MBD2: variants seen among roughly 807,000 people sequenced by gnomAD.
The protein encoded by MBD2 is methyl-CpG-binding domain protein 2.
In MBD2, 9 loss-of-function variants were observed where a neutral mutation model predicts 39.3. That is an observed-to-expected ratio of 0.23 (90% CI 0.14 to 0.40). MBD2 has a LOEUF of 0.40. Among genes scored for constraint, MBD2 ranks in the 10% least tolerant of loss-of-function variants. The pLI, the probability that MBD2 is intolerant of heterozygous loss-of-function variation, is 1.00. For synonymous variants in MBD2, 233 were observed against 211.1 expected, an observed-to-expected ratio of 1.10 and a Z score of -0.90; for missense variants, 458 against 532.6, an observed-to-expected ratio of 0.86 and a Z score of 1.38.
chr18:54,189,329 G>A (rs1212718835), intron 2 of MBD2, among the ~76,000 whole-genome samples: 14 of 149,394 alleles, frequency 9.4e-5, no homozygotes, highest in Admixed American at 8.1e-4. Flanking sequence ...GTCTGCTTAC[G>A]CCATCCGCCT....
chr18:54,187,565 G>T, intron 3 of MBD2: 1 of 424,894 alleles, frequency 2.4e-6, no homozygotes, highest in Non-Finnish European at 3.2e-6. Flanking sequence ...ACCTCCTGTG[G>T]TTTCGTGACT....
chr18:54,201,891 A>G (rs1035235777), intron 2 of MBD2, among the ~76,000 whole-genome samples: 9 of 151,668 alleles, frequency 5.9e-5, no homozygotes, highest in Admixed American at 4.6e-4. Context: ...CATCTTTCCA[A>G]TCACACCTAA....
At chr18:54,215,130 A>C (rs962746058) in intron 1 of MBD2, among the ~76,000 whole-genome samples, 14 of 152,346 alleles carry the variant, frequency 9.2e-5, no homozygotes, top group South Asian at 2.1e-4. Context: ...CAGTAAAGCA[A>C]GATACAAGCC....
chr18:54,210,827 A>C (rs2144340537), intron 1 of MBD2, among the ~76,000 whole-genome samples: 1 of 151,838 alleles, frequency 6.6e-6, no homozygotes, highest in African/African-American at 2.4e-5. Context: ...AAGCTATAGC[A>C]CTGGAAATGT....
chr18:54,222,452 A>G (rs767193194), intron 1 of MBD2: 3 of 475,926 alleles, frequency 6.3e-6, no homozygotes, highest in Non-Finnish European at 1.2e-5. Context: ...TTTAATGATG[A>G]GGAAATACAA....
rs2086643874 is a variant in MBD2, at chr18:54,224,340, A to G, written c.220T>C (p.Cys74Arg). ...CGGCCCCGGCCCCGGCCACGGCCAC[A>G]GACGCCGCCGCCCCGGCCCGCCTGC... ...WKQAGRGGGV[C>R]GRGRGRGRGR... Residue 74 changes from cysteine (C) to arginine (R), a missense_variant, in exon 1 of 7, where the codon TGT becomes CGT. Cys to Arg is a radical substitution (Grantham distance 180). Coordinates refer to ENST00000256429, the MANE Select transcript of MBD2 (RefSeq NM_003927.5). 3 of 1,057,526 alleles carry G rather than the reference A, an allele frequency of 2.8e-6. No homozygotes were observed. The African/African-American group carries it at 5.4e-5, about 19-fold the overall frequency. 65.5% of individuals were successfully genotyped at this position (1,057,526 alleles called of 1,614,324 possible). A position where few individuals can be genotyped will look rare whatever the true frequency, so the allele number is the denominator to read the frequency against.
Position 54,159,929 on chromosome 18 carries a change from A to T in MBD2, c.1110-26T>A, listed in dbSNP as rs564683646. The T allele has an allele frequency of 5.6e-6, 9 of 1,607,978 alleles. No homozygotes were observed. In the South Asian group the frequency reaches 9.9e-5, roughly 18 times the overall value. On this transcript the variant is annotated intron_variant, in intron 5 of 6. Coordinates refer to ENST00000256429, the MANE Select transcript of MBD2 (RefSeq NM_003927.5). Reference sequence around the variant, plus strand: ...CTTTTTAAAAACAGAATAAAAAGGCACTGAGAATTTGGCAAGTAATGACAA... The same window carrying T: ...CTTTTTAAAAACAGAATAAAAAGGCTCTGAGAATTTGGCAAGTAATGACAA...
intron 3 of MBD2, among the ~76,000 whole-genome samples, chr18:54,168,572 C>CATATATATATAT (rs56174434): frequency 7.0e-5 from 8 of 114,888 alleles, no homozygotes; most frequent in African/African-American, 2.6e-4. Context: ...AATGGAGATA[C>CATATATATATAT]ATATATATAT....
intron 1 of MBD2, among the ~76,000 whole-genome samples, chr18:54,220,580 T>C (rs1248341866): frequency 6.6e-6 from 1 of 152,206 alleles, no homozygotes; most frequent in African/African-American, 2.4e-5. Context: ...GCAGGCTAAT[T>C]CAAGGGTTAG....
chr18:54,172,325 C>T (rs2086184016), intron 3 of MBD2, among the ~76,000 whole-genome samples: 1 of 152,114 alleles, frequency 6.6e-6, no homozygotes, highest in African/African-American at 2.4e-5. Flanking sequence ...AAATATCAAT[C>T]ACATAGAACA....
At chr18:54,160,752 T>A (rs1444544203) in intron 5 of MBD2, among the ~76,000 whole-genome samples, 2 of 149,888 alleles carry the variant, frequency 1.3e-5, no homozygotes, top group African/African-American at 2.5e-5. Flanking sequence ...GAAATTGACA[T>A]CCAGAACCAA....
At chr18:54,181,239 C>A (rs1568083624) in intron 3 of MBD2, among the ~76,000 whole-genome samples, 1 of 152,118 alleles carries the variant, frequency 6.6e-6, no homozygotes, top group Non-Finnish European at 1.5e-5. Flanking sequence ...GTCTCAATTG[C>A]AATTCTTCCC....
rs144765744 is a variant in MBD2 at position 54,178,191 on chromosome 18, C to G, written c.840+10683G>C. 6.8e-3 allele frequency among the ~76,000 whole-genome samples: 1,027 copies of G among 152,120 alleles called. 19 individuals carry two copies. The highest frequency in any genetic ancestry group is 0.024 in the African/African-American group (984 of 41,474). On this transcript the variant is annotated intron_variant, in intron 3 of 6. Transcript: ENST00000256429. ...ATCGAGAAATAGAAGTACATATGCA[C>G]TATTTAGAATATGACATTAATCAAC...
At chr18:54,164,432 T>C (rs1230732522) in intron 5 of MBD2, 91 bp downstream of exon 5, 1 of 1,115,556 alleles carries the variant, frequency 9.0e-7, no homozygotes, top group Non-Finnish European at 1.3e-6. Context: ...GATATATCAC[T>C]TACTAGATAT....
At chr18:54,198,813 C>T (rs1473632479) in intron 2 of MBD2, among the ~76,000 whole-genome samples, 1 of 152,216 alleles carries the variant, frequency 6.6e-6, no homozygotes, top group East Asian at 1.9e-4. Context: ...CCTACTGGTT[C>T]CTTCCAAGCT....
rs2086420086 is a variant in MBD2 at position 54,203,009 on chromosome 18, G to A, written c.702+1989C>T. ...GAGTTCACCAGATGAAGGGGAAGGG[G>A]GTAAGCACATTCCAAGCAGAGCAAA... is the stretch of plus-strand genomic sequence containing the variant. On this transcript the variant is annotated intron_variant, in intron 2 of 6. Transcript: ENST00000256429. The A allele has an allele frequency of 2.7e-6, 3 of 1,105,378 alleles. No individual in the cohort carries two copies. In the East Asian group the frequency reaches 7.1e-5, roughly 26 times the overall value. 68.5% of individuals were successfully genotyped at this position (1,105,378 alleles called of 1,614,324 possible).
At chr18:54,203,841 T>C (rs1219591638) in intron 2 of MBD2, among the ~76,000 whole-genome samples, 2 of 152,172 alleles carry the variant, frequency 1.3e-5, no homozygotes, top group African/African-American at 4.8e-5. Context: ...GAACGAGCAG[T>C]GTGGAAAGCA....
chr18:54,197,714 T>C (rs1234799720), intron 2 of MBD2, among the ~76,000 whole-genome samples: 3 of 152,330 alleles, frequency 2.0e-5, no homozygotes, highest in Admixed American at 1.3e-4. Flanking sequence ...TGTCCACTTC[T>C]ATCTCCACGG....
At chr18:54,178,133 T>G (rs1389856687) in intron 3 of MBD2, among the ~76,000 whole-genome samples, 1 of 152,136 alleles carries the variant, frequency 6.6e-6, no homozygotes, top group Non-Finnish European at 1.5e-5. Context: ...TAAGCCACCA[T>G]GCCCAGCCGT....
Sources: gnomAD v4.1 joint callset for allele counts (sites outside exome capture counted in the v4.1 genomes callset) on GRCh38, gnomAD v4.1.1 for gene constraint, MANE v1.5 for transcripts, NCBI Gene and HGNC (gene_info 2026-07-23, HGNC 2026-07-21) for gene names.